Variants in B4GALT1 observed in about 807,000 individuals in gnomAD.
B4GALT1 encodes the protein beta-1,4-galactosyltransferase 1, also known as N-acetyllactosamine synthase.
B4GALT1 carries 16 observed loss-of-function variants against 34.9 expected under a neutral mutation model. The observed-to-expected ratio is 0.46, with a 90% confidence interval of 0.31 to 0.70. B4GALT1 has a LOEUF of 0.70. B4GALT1 is among the 30% of genes least tolerant of loss of function. The pLI, the probability that B4GALT1 is intolerant of heterozygous loss-of-function variation, is 0.05. For missense variants in B4GALT1, 445 were observed against 530.5 expected (o/e 0.84, Z 1.58); for synonymous variants, 221 against 218.1 (o/e 1.01, Z -0.12).
chr9:33,182,902 C>T, the B4GALT1 span, among the ~76,000 whole-genome samples: 4 of 151,876 alleles, frequency 2.6e-5, no homozygotes, highest in African/African-American at 7.3e-5. Context: ...TTCCCATCAC[C>T]CCACTTAAAA....
chr9:33,147,835 T>C (rs1421447138), intron 1 of B4GALT1, among the ~76,000 whole-genome samples: 1 of 152,172 alleles, frequency 6.6e-6, no homozygotes, highest in South Asian at 2.1e-4. Context: ...GAGTTCAAGA[T>C]TGGCCTGAGC....
intron 1 of B4GALT1, among the ~76,000 whole-genome samples, chr9:33,165,132 T>C (rs1840730748): frequency 6.6e-6 from 1 of 151,980 alleles, no homozygotes; most frequent in Non-Finnish European, 1.5e-5. Context: ...TGGCTAACTT[T>C]TTTGTATTTT....
chr9:33,129,649 G>C (rs1348879847), intron 2 of B4GALT1, among the ~76,000 whole-genome samples: 1 of 152,212 alleles, frequency 6.6e-6, no homozygotes, highest in Non-Finnish European at 1.5e-5. Flanking sequence ...TCAGAGTCCG[G>C]GGGCTGGGGT....
chr9:33,113,377 C>A lies in B4GALT1; in HGVS notation c.*77G>T. The A allele has an allele frequency of 6.2e-7, 1 of 1,605,664 alleles. No individual in the cohort carries two copies. The highest frequency in any genetic ancestry group is 1.1e-5 in the South Asian group (1 of 90,598). On this transcript the variant is annotated 3_prime_UTR_variant, in exon 6 of 6. Transcript: ENST00000379731. ...CTCAGACTGGTAAAAATGAGAGGGA[C>A]CAGCCCAGCAGATTGGCAGAGACAC...
intron 1 of B4GALT1, among the ~76,000 whole-genome samples, chr9:33,164,817 T>C (rs2118331776): frequency 6.6e-6 from 1 of 152,298 alleles, no homozygotes; most frequent in Non-Finnish European, 1.5e-5. Flanking sequence ...GCAAAAAACC[T>C]GGCCTTTTTC....
the B4GALT1 span, among the ~76,000 whole-genome samples, chr9:33,177,950 A>C: frequency 6.6e-6 from 1 of 150,858 alleles, no homozygotes; most frequent in South Asian, 2.1e-4. Flanking sequence ...GGGTTCTCAG[A>C]AGGAGCATTC....
chr9:33,134,922 C>T (rs970988250), intron 2 of B4GALT1, among the ~76,000 whole-genome samples: 1 of 152,182 alleles, frequency 6.6e-6, no homozygotes, highest in Non-Finnish European at 1.5e-5. Context: ...TTTTCCCAAT[C>T]TTGCTGGAAG....
At chr9:33,176,112 C>G in the B4GALT1 span, among the ~76,000 whole-genome samples, 1 of 152,204 alleles carries the variant, frequency 6.6e-6, no homozygotes. Context: ...ATGTGATTCT[C>G]TGTGGCTCTT....
chr9:33,144,696 C>T (rs953035932), intron 1 of B4GALT1, among the ~76,000 whole-genome samples: 2 of 152,222 alleles, frequency 1.3e-5, no homozygotes, highest in South Asian at 4.1e-4. Context: ...AGTCCCCTCT[C>T]GGGATCAATC....
chr9:33,115,290 T>A (rs935126944), intron 4 of B4GALT1, among the ~76,000 whole-genome samples: 4 of 152,242 alleles, frequency 2.6e-5, no homozygotes, highest in Non-Finnish European at 5.9e-5. Context: ...ATTCTGATAT[T>A]AAACTCAGTA....
At chr9:33,143,984 T>C (rs1840390015) in intron 1 of B4GALT1, among the ~76,000 whole-genome samples, 2 of 151,896 alleles carry the variant, frequency 1.3e-5, no homozygotes, top group South Asian at 4.1e-4. Context: ...GCGATCCTCC[T>C]GGGCTGTGGT....
the B4GALT1 span, among the ~76,000 whole-genome samples, chr9:33,176,589 C>T: frequency 6.6e-6 from 1 of 152,270 alleles, no homozygotes; most frequent in East Asian, 1.9e-4. Context: ...TTATCCTAAG[C>T]AAATTAATGC....
chr9:33,150,265 C>G (rs1194650024), intron 1 of B4GALT1, among the ~76,000 whole-genome samples: 2 of 145,070 alleles, frequency 1.4e-5, no homozygotes, highest in Non-Finnish European at 1.5e-5. Context: ...CACACACACA[C>G]AGAGCGAGAG....
At chr9:33,151,834 T>C (rs1293338297) in intron 1 of B4GALT1, among the ~76,000 whole-genome samples, 1 of 152,154 alleles carries the variant, frequency 6.6e-6, no homozygotes, top group Admixed American at 6.6e-5. Flanking sequence ...ATAAAGCTTC[T>C]TGCAGCATGA....
chr9:33,131,227 G>A (rs1417515811), intron 2 of B4GALT1, among the ~76,000 whole-genome samples: 4 of 152,194 alleles, frequency 2.6e-5, no homozygotes, highest in Non-Finnish European at 5.9e-5. Flanking sequence ...CAGACGCTGG[G>A]GTTTGAGCCG....
chr9:33,104,673 C>T lies in B4GALT1; in HGVS notation c.*79G>A, dbSNP rs139702905. ...CAGCCCACACAGCCAGCACGTCTCA[C>T]GCTCAAATCTCCAGGAAGATGCTGG... On this transcript the variant is annotated 3_prime_UTR_variant, in exon 3 of 3. Transcript: ENST00000535206. 413 of 446,482 alleles carry T rather than the reference C, an allele frequency of 9.3e-4. 2 individuals carry two copies. Among genetic ancestry groups the T allele is most frequent in the African/African-American group, 6.8e-3 (337 of 49,386 alleles). The allele number at this position is 446,482 out of a possible 1,614,324, so 27.7% of individuals were successfully genotyped here. A position where few individuals can be genotyped will look rare whatever the true frequency, so the allele number is the denominator to read the frequency against.
At chr9:33,171,028 C>A (rs1426048357), upstream of B4GALT1, among the ~76,000 whole-genome samples, 3 of 152,218 alleles carry the variant, frequency 2.0e-5, no homozygotes, top group South Asian at 2.1e-4. Flanking sequence ...TCCTATGGCG[C>A]CCTCTTCTGC....
In B4GALT1 at chr9:33,166,773, C is replaced by A; in HGVS notation, c.397G>T (p.Glu133Ter). 6.6e-7 allele frequency: 1 copy of A among 1,522,354 alleles called. No individual in the cohort carries two copies. The highest frequency in any genetic ancestry group is 8.8e-7 in the Non-Finnish European group (1 of 1,142,020). The allele number at this position is 1,522,354 out of a possible 1,614,324, so 94.3% of individuals were successfully genotyped here. The change falls in exon 1 of 6, where the codon GAG (glutamate) becomes TAG (stop). Residue 133 changes from glutamate to a stop codon, truncating the protein, a stop_gained. Coordinates refer to ENST00000379731, the MANE Select transcript of B4GALT1 (RefSeq NM_001497.4). LOFTEE classifies it high-confidence loss of function. ...GAGTCCTTACCAAGCAGCGGGGACTCCTCAGGGCAGGCGGGCAGCGACAGT... is the reference window on the plus strand; with the variant it reads ...GAGTCCTTACCAAGCAGCGGGGACTACTCAGGGCAGGCGGGCAGCGACAGT... ...TALSLPACPEESPLLVGPMLI... is the reference protein window; with the variant it reads ...TALSLPACPE
At position 33,116,070 on chromosome 9, in the gene B4GALT1, TA is replaced by T; in HGVS notation, c.879del (p.Ser293ArgfsTer6). The T allele has an allele frequency of 6.2e-7, 1 of 1,613,674 alleles. No homozygotes were observed. The highest frequency in any genetic ancestry group is 8.5e-7 in the Non-Finnish European group (1 of 1,179,684). On this transcript the variant is annotated frameshift_variant, in exon 4 of 6. Coordinates refer to ENST00000379731, the MANE Select transcript of B4GALT1 (RefSeq NM_001497.4). LOFTEE classifies it high-confidence loss of function. The part of the protein sequence containing the change: ...VQYFGGVSAL[S>X]KQQFLTINGF... ...CCATTGATGGTTAGAAACTGTTGTT[TA>T]CTTAGAGCAGAGACACCTCCAAAAT...
Sources: gnomAD v4.1 joint callset for allele counts (sites outside exome capture counted in the v4.1 genomes callset) on GRCh38, gnomAD v4.1.1 for gene constraint, MANE v1.5 for transcripts, NCBI Gene and HGNC (gene_info 2026-07-23, HGNC 2026-07-21) for gene names.